HS6ST3: variants seen among roughly 807,000 people sequenced by gnomAD.
The protein encoded by HS6ST3 is heparan sulfate 6-O-sulfotransferase 3.
HS6ST3 carries 12 observed loss-of-function variants against 36.7 expected under a neutral mutation model. That is an observed-to-expected ratio of 0.33 (90% CI 0.21 to 0.53). The LOEUF (loss-of-function observed/expected upper bound fraction) is 0.53, where lower values mean the gene tolerates loss of function less well. Among genes scored for constraint, HS6ST3 ranks in the 20% least tolerant of loss-of-function variants. The pLI is 0.95. For missense variants in HS6ST3, 584 were observed against 640.9 expected (o/e 0.91, Z 0.96); for synonymous variants, 240 against 257.5 (o/e 0.93, Z 0.65).
intron 1 of HS6ST3, among the ~76,000 whole-genome samples, chr13:96,327,676 T>A (rs2055040465): frequency 6.6e-6 from 1 of 151,766 alleles, no homozygotes; most frequent in Non-Finnish European, 1.5e-5. Context: ...CTTTTTTGGT[T>A]CCATATGAAC....
chr13:96,771,295 T>A (rs1250909307), intron 1 of HS6ST3, among the ~76,000 whole-genome samples: 1 of 142,924 alleles, frequency 7.0e-6, no homozygotes, highest in Non-Finnish European at 1.5e-5. Context: ...GGAGGAGGGA[T>A]AGCATTAGGA....
intron 1 of HS6ST3, among the ~76,000 whole-genome samples, chr13:96,780,658 G>C (rs1187306706): frequency 6.6e-6 from 1 of 152,094 alleles, no homozygotes; most frequent in Non-Finnish European, 1.5e-5. Flanking sequence ...GAGAACACTA[G>C]TACAGGATAA....
intron 1 of HS6ST3, among the ~76,000 whole-genome samples, chr13:96,533,511 C>G (rs963410842): frequency 6.6e-6 from 1 of 152,182 alleles, no homozygotes; most frequent in Non-Finnish European, 1.5e-5. Context: ...GATTTCCATG[C>G]TGCTTTGTCA....
chr13:96,481,655 G>A (rs527446085), intron 1 of HS6ST3, among the ~76,000 whole-genome samples: 1 of 151,968 alleles, frequency 6.6e-6, no homozygotes, highest in African/African-American at 2.4e-5. Context: ...ATGCAGTGCC[G>A]TCCTGCCCCT....
At chr13:96,415,454 A>T (rs938838408) in intron 1 of HS6ST3, among the ~76,000 whole-genome samples, 1 of 152,254 alleles carries the variant, frequency 6.6e-6, no homozygotes, top group African/African-American at 2.4e-5. Flanking sequence ...AAAAAAATAA[A>T]TAAAGTGCTC....
chr13:96,210,361 G>A (rs1713430852), intron 1 of HS6ST3, among the ~76,000 whole-genome samples: 1 of 152,226 alleles, frequency 6.6e-6, no homozygotes, highest in East Asian at 1.9e-4. Flanking sequence ...CCTTGGAAAC[G>A]CACTCCCCTC....
At chr13:96,548,013 G>A (rs1373214069) in intron 1 of HS6ST3, among the ~76,000 whole-genome samples, 1 of 152,116 alleles carries the variant, frequency 6.6e-6, no homozygotes, top group East Asian at 1.9e-4. Flanking sequence ...TTGCAAGAGT[G>A]TAATGTTTAC....
intron 1 of HS6ST3, among the ~76,000 whole-genome samples, chr13:96,782,667 A>C (rs1877553935): frequency 6.6e-6 from 1 of 152,070 alleles, no homozygotes; most frequent in African/African-American, 2.4e-5. Context: ...CCCTGAGATA[A>C]AATTATCCAT....
intron 1 of HS6ST3, among the ~76,000 whole-genome samples, chr13:96,172,581 C>T (rs916883769): frequency 1.3e-5 from 2 of 152,134 alleles, no homozygotes; most frequent in African/African-American, 2.4e-5. Flanking sequence ...ATCAGTGTAA[C>T]ACTTTAATTG....
chr13:96,330,087 A>C (rs9554344), intron 1 of HS6ST3, among the ~76,000 whole-genome samples: 43,679 of 133,266 alleles, frequency 0.33, 7,303 homozygotes, highest in Middle Eastern at 0.39. Context: ...TCTGCATGTG[A>C]GATGGGTTTC....
intron 1 of HS6ST3, among the ~76,000 whole-genome samples, chr13:96,467,727 C>A (rs2055821196): frequency 6.6e-6 from 1 of 152,184 alleles, no homozygotes; most frequent in Admixed American, 6.5e-5. Context: ...TATAACAATT[C>A]TATCACATGG....
At chr13:96,118,941 A>G (rs1161490268) in intron 1 of HS6ST3, among the ~76,000 whole-genome samples, 2 of 149,204 alleles carry the variant, frequency 1.3e-5, no homozygotes. Context: ...TGATCTCCTG[A>G]CCTCATGATC....
intron 1 of HS6ST3, among the ~76,000 whole-genome samples, chr13:96,415,505 T>G (rs572977842): frequency 6.6e-6 from 1 of 152,372 alleles, no homozygotes; most frequent in East Asian, 1.9e-4. Flanking sequence ...GAACGCTGTT[T>G]GTGCTGGTTC....
At chr13:96,625,518 A>G (rs1241384851) in intron 1 of HS6ST3, among the ~76,000 whole-genome samples, 1 of 152,178 alleles carries the variant, frequency 6.6e-6, no homozygotes, top group East Asian at 1.9e-4. Flanking sequence ...TACTGTTTCC[A>G]ACACTCAATT....
At chr13:96,203,732 A>T (rs1449328603) in intron 1 of HS6ST3, among the ~76,000 whole-genome samples, 1 of 152,198 alleles carries the variant, frequency 6.6e-6, no homozygotes. Flanking sequence ...CTGGCAGTGG[A>T]TTCAATCTTA....
At chr13:96,453,179 T>A (rs1309616305) in intron 1 of HS6ST3, among the ~76,000 whole-genome samples, 1 of 148,882 alleles carries the variant, frequency 6.7e-6, no homozygotes, top group Non-Finnish European at 1.5e-5. Flanking sequence ...AATGCTCTTT[T>A]TAAAAAAAAA....
At chr13:96,790,764 A>G (rs1330885714) in intron 1 of HS6ST3, among the ~76,000 whole-genome samples, 1 of 152,058 alleles carries the variant, frequency 6.6e-6, no homozygotes, top group African/African-American at 2.4e-5. Context: ...GGTTTGCATA[A>G]TATGTCTCGA....
intron 1 of HS6ST3, among the ~76,000 whole-genome samples, chr13:96,296,060 A>T (rs1172925960): frequency 6.6e-6 from 1 of 152,150 alleles, no homozygotes; most frequent in Non-Finnish European, 1.5e-5. Flanking sequence ...TTTAAATAAA[A>T]ATTAAACAAA....
chr13:96,699,136 C>T (rs956185644), intron 1 of HS6ST3, among the ~76,000 whole-genome samples: 2 of 152,094 alleles, frequency 1.3e-5, no homozygotes, highest in African/African-American at 4.8e-5. Flanking sequence ...AGACCTAAAA[C>T]CATAAAAACC....
Sources: gnomAD v4.1 joint callset for allele counts (sites outside exome capture counted in the v4.1 genomes callset) on GRCh38, gnomAD v4.1.1 for gene constraint, MANE v1.5 for transcripts, NCBI Gene and HGNC (gene_info 2026-07-23, HGNC 2026-07-21) for gene names.